LRRC75B: variants seen among roughly 807,000 people sequenced by gnomAD.
LRRC75B encodes leucine-rich repeat-containing protein 75B.
A neutral mutation model predicts 16.5 loss-of-function variants in LRRC75B; 20 were observed. The ratio of observed to expected loss-of-function variants is 1.21; its 90% CI spans 0.85 to 1.76. LRRC75B has a LOEUF of 1.76. Ranked by LOEUF, LRRC75B falls within the 40% of genes most tolerant of loss-of-function variation. The pLI is 0.00. For synonymous variants in LRRC75B, 199 were observed against 198.1 expected, an observed-to-expected ratio of 1.00 and a Z score of -0.04; for missense variants, 406 against 417.0, an observed-to-expected ratio of 0.97 and a Z score of 0.23.
chr22:24,590,690 G>A (rs919915725), intron 1 of LRRC75B, among the ~76,000 whole-genome samples: 2 of 152,016 alleles, frequency 1.3e-5, no homozygotes, highest in African/African-American at 2.4e-5. Context: ...CCTAAGCTGC[G>A]GCCAGCATCT....
chr22:24,587,421 A>G (rs959375360), intron 3 of LRRC75B, among the ~76,000 whole-genome samples: 1 of 152,198 alleles, frequency 6.6e-6, no homozygotes, highest in East Asian at 1.9e-4. Context: ...TGGGGGACTG[A>G]CAGCAGTGAG....
intron 1 of LRRC75B, chr22:24,592,286 T>C (rs765234677): frequency 1.1e-5 from 5 of 467,452 alleles, no homozygotes; most frequent in Non-Finnish European, 2.2e-5. Flanking sequence ...GGATGTGTAC[T>C]CTAAGGGCAT....
Position 24,588,315 on chromosome 22 carries a change from C to G in LRRC75B, c.321G>C (p.Trp107Cys). Residue 107 changes from tryptophan to cysteine, a missense_variant, in exon 3 of 4, where the codon TGG (tryptophan) becomes TGC (cysteine). Physicochemically the swap from Trp to Cys is radical, Grantham distance 215. Coordinates refer to ENST00000318753, the MANE Select transcript of LRRC75B (RefSeq NM_207644.3). Reference sequence around the variant, plus strand: ...GTCGGCAGATCTTGTCCGAGGACTTCCAGAGCTCATAGTCCTGTGGGAGGG... The same window carrying G: ...GTCGGCAGATCTTGTCCGAGGACTTGCAGAGCTCATAGTCCTGTGGGAGGG... ...LQCPKKDYELWKSSDKICRQL... is the reference protein window; with the variant it reads ...LQCPKKDYELCKSSDKICRQL... The G allele has an allele frequency of 6.2e-7, 1 of 1,612,608 alleles. No individual in the cohort carries two copies. Among genetic ancestry groups the G allele is most frequent in the Non-Finnish European group, 8.5e-7 (1 of 1,179,332 alleles).
chr22:24,588,016 C>T (rs1456267355), intron 3 of LRRC75B, among the ~76,000 whole-genome samples, 198 bp downstream of exon 3: 2 of 152,258 alleles, frequency 1.3e-5, no homozygotes, highest in Non-Finnish European at 2.9e-5. Context: ...ACGGGTCACT[C>T]AGAGGGTGCA....
chr22:24,586,243 C>CAG lies in LRRC75B; in HGVS notation c.589_590dup (p.His198CysfsTer24). The stretch of plus-strand genomic sequence containing the variant: ...CCCACAGGCTGGGCAGCAGGAGGTG[C>CAG]AGCAGCTCATCACTCAGCCCCGTGA... On this transcript the variant is annotated frameshift_variant, in exon 4 of 4. Transcript: ENST00000318753. LOFTEE classifies it low-confidence loss of function (END_TRUNC). 6.2e-7 allele frequency: 1 copy of CAG among 1,613,764 alleles called. No individual in the cohort carries two copies. Among genetic ancestry groups the CAG allele is most frequent in the African/African-American group, 1.3e-5 (1 of 75,076 alleles).
Position 24,592,872 on chromosome 22 carries a change from GA to G in LRRC75B, c.167del (p.Leu56ProfsTer36). On this transcript the variant is annotated frameshift_variant, in exon 1 of 4. Transcript: ENST00000318753. LOFTEE classifies it high-confidence loss of function. Reference protein sequence around the residue: ...RPERARQLLRLLRQDLGLERT... With the variant: ...RPERARQLLRXLRQDLGLERT... ...CGGCTCCTTCTCTCGCCTGGCGCAG[GA>G]GGCGCAGCAGCTGCCGGGCGCGCTC... 1.6e-6 allele frequency: 2 copies of G among 1,284,558 alleles called. No individual in the cohort carries two copies. The highest frequency in any genetic ancestry group is 2.0e-6 in the Non-Finnish European group (2 of 1,015,878). The allele number at this position is 1,284,558 out of a possible 1,614,324, so 79.6% of individuals were successfully genotyped here.
In LRRC75B at chr22:24,586,280, A is replaced by T; in HGVS notation, c.554T>A (p.Leu185Gln). The T allele has an allele frequency of 6.2e-7, 1 of 1,613,908 alleles. No individual in the cohort carries two copies. Among genetic ancestry groups the T allele is most frequent in the South Asian group, 1.1e-5 (1 of 91,090 alleles). ...ACTCAGCCCCGTGAAGCTCAGGTCC[A>T]GCACCGCCAGCACAGCACCATGGCT... The part of the protein sequence containing the change: ...LSSHGAVLAV[L>Q]DLSFTGLSDE... Residue 185 changes from leucine to glutamine, a missense_variant, in exon 4 of 4, where the codon CTG (leucine) becomes CAG (glutamine). Transcript: ENST00000318753.
chr22:24,590,037 C>T (rs2045522445), intron 1 of LRRC75B, 88 bp from the exon 2 acceptor site: 9 of 1,396,072 alleles, frequency 6.4e-6, no homozygotes, highest in African/African-American at 1.5e-5. Flanking sequence ...TGCTTATGCC[C>T]GTTCCTGTCT....
At chr22:24,587,518 CAG>C (rs1214922602) in intron 3 of LRRC75B, among the ~76,000 whole-genome samples, 1 of 152,182 alleles carries the variant, frequency 6.6e-6, no homozygotes, top group Non-Finnish European at 1.5e-5. Flanking sequence ...CAAGGTGGGA[CAG>C]GGGTGGAGGG....
chr22:24,592,747 C>T lies in LRRC75B; in HGVS notation c.177+116G>A, dbSNP rs577136455. On this transcript the variant is annotated intron_variant, in intron 1 of 3. Transcript: ENST00000318753. ...GCCTGCGCGCGCCAGAGACCAGCTC[C>T]GCCTCGCCTCCCGGCGGATACAGGC... The T allele has an allele frequency of 1.2e-4, 149 of 1,277,786 alleles. No homozygotes were observed. In the South Asian group the frequency reaches 2.4e-3, roughly 21 times the overall value. 79.2% of individuals were successfully genotyped at this position (1,277,786 alleles called of 1,614,324 possible).
At chr22:24,592,056 A>G (rs1254733672) in intron 1 of LRRC75B, among the ~76,000 whole-genome samples, 3 of 152,020 alleles carry the variant, frequency 2.0e-5, no homozygotes, top group Admixed American at 2.0e-4. Flanking sequence ...TGCAGGCCGA[A>G]CACCTGCATG....
rs755802773 is a variant in LRRC75B, at chr22:24,586,165, G to C, written c.669C>G (p.Ala223=). ...LLLNGNRLTR[A]TARKLTDAIK... Reference sequence around the variant, plus strand: ...TGGCATCAGTGAGCTTGCGGGCAGTGGCCCGCGTCAGTCGGTTGCCGTTGA... The same window carrying C: ...TGGCATCAGTGAGCTTGCGGGCAGTCGCCCGCGTCAGTCGGTTGCCGTTGA... The change falls in exon 4 of 4, where the codon GCC becomes GCG. Residue 223 remains alanine (A), a synonymous_variant. Coordinates refer to ENST00000318753, the MANE Select transcript of LRRC75B (RefSeq NM_207644.3). 6.2e-7 allele frequency: 1 copy of C among 1,613,562 alleles called. No individual in the cohort carries two copies. Among genetic ancestry groups the C allele is most frequent in the South Asian group, 1.1e-5 (1 of 91,090 alleles).
chr22:24,589,270 G>A (rs532886294), intron 2 of LRRC75B: 2 of 1,257,590 alleles, frequency 1.6e-6, no homozygotes. Context: ...GGGCAGCTGT[G>A]GGGTGGAGGC....
rs752045969 is a variant in LRRC75B at position 24,588,273 on chromosome 22, G to C, written c.363C>G (p.Leu121=). The C allele has an allele frequency of 6.2e-7, 1 of 1,613,686 alleles. No individual in the cohort carries two copies. The highest frequency in any genetic ancestry group is 1.7e-5 in the Admixed American group (1 of 60,014). Residue 121 remains leucine (L), a synonymous_variant, in exon 3 of 4, where the codon CTC becomes CTG. Transcript: ENST00000318753. ...DKICRQLIYH[L]TPHSKQQQGS... is the part of the protein sequence containing the mutation. ...CTTGCTGCTGCTTCGAGTGAGGGGT[G>C]AGGTGGTAGATGAGCTGTCGGCAGA...
chr22:24,589,774 C>A (rs200426740), intron 2 of LRRC75B, 47 bp downstream of exon 2: 55,582 of 1,544,396 alleles, frequency 0.036, 1,146 homozygotes, highest in Non-Finnish European at 0.041. Context: ...GTTGGCCCCC[C>A]TGTCCACCAC....
At chr22:24,586,474 A>T in intron 3 of LRRC75B, 63 bp from the exon 4 acceptor site, 1 of 1,515,586 alleles carries the variant, frequency 6.6e-7, no homozygotes, top group Non-Finnish European at 9.0e-7. Context: ...CTGACCACAG[A>T]CAGTGACCTG....
At chr22:24,590,757 C>T (rs2045545787) in intron 1 of LRRC75B, among the ~76,000 whole-genome samples, 1 of 152,146 alleles carries the variant, frequency 6.6e-6, no homozygotes, top group African/African-American at 2.4e-5. Context: ...TCAGATGTCT[C>T]AAAGGCATGC....
chr22:24,586,769 G>A (rs2045407662), intron 3 of LRRC75B, among the ~76,000 whole-genome samples: 1 of 152,230 alleles, frequency 6.6e-6, no homozygotes, highest in Non-Finnish European at 1.5e-5. Context: ...GACCTCAGGT[G>A]ATCTGACCGC....
chr22:24,589,218 C>A, intron 2 of LRRC75B: 1 of 1,254,394 alleles, frequency 8.0e-7, no homozygotes, highest in Admixed American at 2.8e-5. Flanking sequence ...TGTGTCGATG[C>A]TCATGGCAGG....
Sources: gnomAD v4.1 joint callset for allele counts (sites outside exome capture counted in the v4.1 genomes callset) on GRCh38, gnomAD v4.1.1 for gene constraint, MANE v1.5 for transcripts, NCBI Gene and HGNC (gene_info 2026-07-23, HGNC 2026-07-21) for gene names.